SORCS2: variants seen among roughly 807,000 people sequenced by gnomAD.
SORCS2 encodes the protein VPS10 domain-containing receptor SorCS2.
Under a neutral mutation model 141.6 loss-of-function variants are expected in SORCS2, and 100 were observed. The ratio of observed to expected loss-of-function variants is 0.71; its 90% CI spans 0.60 to 0.83. The LOEUF is 0.83. Among genes scored for constraint, SORCS2 ranks in the 40% least tolerant of loss-of-function variants. The probability of loss-of-function intolerance (pLI) is 0.00; values close to 1 mark genes in which losing one functional copy is unlikely to be tolerated. For synonymous variants in SORCS2, 789 were observed against 676.9 expected (o/e 1.17, Z -2.57); for missense variants, 1,646 against 1,560.2 (o/e 1.05, Z -0.93).
At chr4:7,317,035 C>G (rs1414854230) in intron 1 of SORCS2, among the ~76,000 whole-genome samples, 2 of 152,160 alleles carry the variant, frequency 1.3e-5, no homozygotes, top group African/African-American at 4.8e-5. Context: ...TTACTCTCTC[C>G]AAGCAGCCAT....
intron 23 of SORCS2, among the ~76,000 whole-genome samples, chr4:7,731,761 G>A (rs1560120164): frequency 6.6e-6 from 1 of 152,230 alleles, no homozygotes; most frequent in Non-Finnish European, 1.5e-5. Flanking sequence ...ATATCCACAT[G>A]CAGAAGAATG....
At chr4:7,561,860 C>T (rs1285142171) in intron 3 of SORCS2, among the ~76,000 whole-genome samples, 3 of 152,212 alleles carry the variant, frequency 2.0e-5, no homozygotes, top group Middle Eastern at 3.4e-3. Flanking sequence ...TCTACCCATC[C>T]ATCAGTCTAC....
chr4:7,701,551 C>T lies in SORCS2; in HGVS notation c.1669-1729C>T, dbSNP rs754104764. 7.5e-4 allele frequency among the ~76,000 whole-genome samples: 114 copies of T among 152,096 alleles called. 1 individual carries two copies. Among genetic ancestry groups the T allele is most frequent in the Non-Finnish European group, 1.1e-3 (77 of 68,000 alleles). ...GGCCCCTCCTTCGGGGCCCTGAGGC[C>T]GTGGTAGGATTTGGGCTTGACTGTA... On this transcript the variant is annotated intron_variant, in intron 12 of 26. Transcript: ENST00000507866.
intron 1 of SORCS2, among the ~76,000 whole-genome samples, chr4:7,355,683 G>A (rs967080357): frequency 6.6e-6 from 1 of 152,168 alleles, no homozygotes; most frequent in Non-Finnish European, 1.5e-5. Context: ...CTAGGGTCTG[G>A]GCCCCCAGAG....
intron 2 of SORCS2, among the ~76,000 whole-genome samples, chr4:7,479,963 C>T (rs775732011): frequency 1.2e-4 from 18 of 152,364 alleles, no homozygotes; most frequent in Middle Eastern, 6.8e-3. Flanking sequence ...CCATTTATTC[C>T]GTGACACCTG....
chr4:7,547,135 A>G (rs4574410), intron 3 of SORCS2, among the ~76,000 whole-genome samples: 147,845 of 152,268 alleles, frequency 0.97, 71,923 homozygotes, highest in East Asian at 1. Context: ...TCACATGAAC[A>G]GTGCCACATC....
chr4:7,675,623 G>T (rs1723057309), intron 8 of SORCS2, among the ~76,000 whole-genome samples: 1 of 152,192 alleles, frequency 6.6e-6, no homozygotes, highest in Admixed American at 6.5e-5. Flanking sequence ...GAAGGAGGGA[G>T]CAGAGACTCA....
At chr4:7,312,369 G>C (rs2108924609) in intron 1 of SORCS2, among the ~76,000 whole-genome samples, 1 of 152,270 alleles carries the variant, frequency 6.6e-6, no homozygotes, top group Admixed American at 6.5e-5. Context: ...TCTTGTCCTG[G>C]CTCTGCACCC....
At chr4:7,630,161 G>A (rs1349066538) in intron 3 of SORCS2, among the ~76,000 whole-genome samples, 1 of 152,160 alleles carries the variant, frequency 6.6e-6, no homozygotes, top group African/African-American at 2.4e-5. Context: ...GACTGTGAGG[G>A]TGTGGTGGGC....
intron 2 of SORCS2, among the ~76,000 whole-genome samples, chr4:7,465,188 C>T (rs1352261583): frequency 1.3e-5 from 2 of 152,196 alleles, no homozygotes; most frequent in African/African-American, 4.8e-5. Flanking sequence ...ACCAGGCAGC[C>T]CCGAGCAGGA....
intron 3 of SORCS2, among the ~76,000 whole-genome samples, chr4:7,581,641 C>T (rs903272543): frequency 5.3e-5 from 8 of 152,160 alleles, no homozygotes; most frequent in Non-Finnish European, 1.2e-4. Flanking sequence ...GGAGCCCTCA[C>T]GCAGATTGGG....
At chr4:7,583,904 G>A (rs1577791311) in intron 3 of SORCS2, among the ~76,000 whole-genome samples, 1 of 152,204 alleles carries the variant, frequency 6.6e-6, no homozygotes, top group Non-Finnish European at 1.5e-5. Flanking sequence ...TAGGTCTGGG[G>A]TCAGGAAGAC....
At chr4:7,589,534 C>G (rs1716771905) in intron 3 of SORCS2, among the ~76,000 whole-genome samples, 1 of 152,152 alleles carries the variant, frequency 6.6e-6, no homozygotes. Context: ...TCCCAAGTAG[C>G]TGGGACTATA....
intron 2 of SORCS2, among the ~76,000 whole-genome samples, chr4:7,446,679 CT>C (rs1195925581): frequency 6.6e-6 from 1 of 152,122 alleles, no homozygotes; most frequent in Non-Finnish European, 1.5e-5. Flanking sequence ...AGGGGCCATG[CT>C]TCCTTTGAGC....
At chr4:7,434,996 C>T in intron 2 of SORCS2, 1 of 1,290,840 alleles carries the variant, frequency 7.7e-7, no homozygotes, top group Non-Finnish European at 1.0e-6. Context: ...CTGGCCACTC[C>T]CACAGCCTGA....
chr4:7,464,731 A>G (rs1250455685), intron 2 of SORCS2, among the ~76,000 whole-genome samples: 1 of 152,210 alleles, frequency 6.6e-6, no homozygotes, highest in Non-Finnish European at 1.5e-5. Flanking sequence ...AAAAACAGAA[A>G]GCTCACCTTG....
chr4:7,415,927 A>G (rs1397419403), intron 2 of SORCS2, among the ~76,000 whole-genome samples: 2 of 152,246 alleles, frequency 1.3e-5, no homozygotes, highest in Non-Finnish European at 2.9e-5. Context: ...AGAGGAGATG[A>G]TGTCTGAACT....
At chr4:7,334,449 G>C (rs1309488534) in intron 1 of SORCS2, among the ~76,000 whole-genome samples, 1 of 150,792 alleles carries the variant, frequency 6.6e-6, no homozygotes, top group Non-Finnish European at 1.5e-5. Context: ...CCCGTTCCTT[G>C]TTGTGTCTGC....
chr4:7,194,252 G>C (rs760621659), intron 1 of SORCS2, among the ~76,000 whole-genome samples: 3 of 152,092 alleles, frequency 2.0e-5, no homozygotes, highest in African/African-American at 7.2e-5. Context: ...AAAGGGCCAG[G>C]GTTCCTATAT....
Sources: allele counts gnomAD v4.1 joint callset (sites outside exome capture counted in the v4.1 genomes callset), GRCh38; gene constraint gnomAD v4.1.1; transcripts MANE v1.5; gene names NCBI Gene and HGNC (gene_info 2026-07-23, HGNC 2026-07-21).